Variants in ZCCHC14 observed in about 807,000 individuals in gnomAD.
The protein encoded by ZCCHC14 is zinc finger CCHC domain-containing protein 14.
Under a neutral mutation model 85.0 loss-of-function variants are expected in ZCCHC14, and 16 were observed. That is an observed-to-expected ratio of 0.19 (90% CI 0.13 to 0.29). ZCCHC14 has a LOEUF of 0.29. ZCCHC14 is among the 10% of genes least tolerant of loss of function. The probability of loss-of-function intolerance (pLI) is 1.00; values close to 1 mark genes in which losing one functional copy is unlikely to be tolerated. For synonymous variants in ZCCHC14, 775 were observed against 630.7 expected (o/e 1.23, Z -3.43); for missense variants, 1,303 against 1,443.5 (o/e 0.90, Z 1.58).
At chr16:87,458,716 T>G (rs191702360) in intron 2 of ZCCHC14, among the ~76,000 whole-genome samples, 2 of 152,060 alleles carry the variant, frequency 1.3e-5, no homozygotes, top group Middle Eastern at 3.4e-3. Context: ...TGCGGGGCGG[T>G]TGGGGGAGAG....
chr16:87,419,357 G>A (rs1597402993), intron 6 of ZCCHC14, among the ~76,000 whole-genome samples: 1 of 149,964 alleles, frequency 6.7e-6, no homozygotes, highest in Non-Finnish European at 1.5e-5. Context: ...CTGGAGTGCA[G>A]TGGTGCAATC....
rs554909259 is a variant in ZCCHC14 at position 87,410,437 on chromosome 16, G to A, written c.3206-102C>T. 3.7e-5 allele frequency: 21 copies of A among 573,832 alleles called. No individual in the cohort carries two copies. In the South Asian group the frequency reaches 4.7e-4, roughly 13 times the overall value. 35.5% of individuals were successfully genotyped at this position (573,832 alleles called of 1,614,324 possible). On this transcript the variant is annotated intron_variant, in intron 12 of 12. Transcript: ENST00000671377. ...TCCAGAGCCACTGGGCAAGATTCTG[G>A]TGCTGGAAATCTAGGCCACCCATCC...
Position 87,410,135 on chromosome 16 carries a change from G to C in ZCCHC14, c.*145C>G, listed in dbSNP as rs540253846. Reference sequence around the variant, plus strand: ...TAAATCGAGTTTGATGCACTTCTACGCTAGATTTTCTATCCAGTCTAGGAA... The same window carrying C: ...TAAATCGAGTTTGATGCACTTCTACCCTAGATTTTCTATCCAGTCTAGGAA... On this transcript the variant is annotated 3_prime_UTR_variant, in exon 13 of 13. Coordinates refer to ENST00000671377, the MANE Select transcript of ZCCHC14 (RefSeq NM_015144.3). The C allele has an allele frequency of 3.7e-6, 2 of 544,448 alleles. No individual in the cohort carries two copies. The highest frequency in any genetic ancestry group is 3.0e-5 in the East Asian group (1 of 32,844). 33.7% of individuals were successfully genotyped at this position (544,448 alleles called of 1,614,324 possible).
chr16:87,412,409 C>A lies in ZCCHC14; in HGVS notation c.2312G>T (p.Arg771Leu). 1.2e-6 allele frequency: 2 copies of A among 1,614,150 alleles called. No homozygotes were observed. The highest frequency in any genetic ancestry group is 1.7e-6 in the Non-Finnish European group (2 of 1,180,038). Residue 771 changes from arginine to leucine, a missense_variant, in exon 12 of 13, where the codon CGT becomes CTT. Coordinates refer to ENST00000671377, the MANE Select transcript of ZCCHC14 (RefSeq NM_015144.3). The part of the protein sequence containing the change: ...GTPSTVLHAA[R>L]PPIKLLLSSS... ...CGACAGCAGCAGTTTGATGGGCGGA[C>A]GGGCGGCGTGGAGGACTGTGCTGGG...
intron 1 of ZCCHC14, 50 bp from the exon 2 acceptor site, chr16:87,460,181 G>C: frequency 6.3e-7 from 1 of 1,589,124 alleles, no homozygotes; most frequent in Non-Finnish European, 8.6e-7. Flanking sequence ...GGAGTTAATA[G>C]GGGACAATTT....
intron 1 of ZCCHC14, among the ~76,000 whole-genome samples, chr16:87,463,095 A>T (rs1210953169): frequency 6.6e-6 from 1 of 150,798 alleles, no homozygotes; most frequent in Non-Finnish European, 1.5e-5. Context: ...AGAAAAAAGA[A>T]ACACAGCTAG....
At chr16:87,419,387 G>A (rs974867907) in intron 6 of ZCCHC14, among the ~76,000 whole-genome samples, 5 of 152,184 alleles carry the variant, frequency 3.3e-5, no homozygotes, top group African/African-American at 4.8e-5. Flanking sequence ...TGCAACCACC[G>A]CCTCCCGGGT....
chr16:87,446,403 G>C (rs545607740), intron 2 of ZCCHC14, among the ~76,000 whole-genome samples: 5 of 150,582 alleles, frequency 3.3e-5, no homozygotes. Flanking sequence ...AGAATCACTC[G>C]AACCTGGAAG....
chr16:87,440,070 C>T (rs1910111376), intron 2 of ZCCHC14, among the ~76,000 whole-genome samples: 1 of 152,210 alleles, frequency 6.6e-6, no homozygotes, highest in Non-Finnish European at 1.5e-5. Context: ...GCTTTCTACG[C>T]AGCCAAGACT....
Position 87,413,128 on chromosome 16 carries a change from G to A in ZCCHC14, c.1671C>T (p.Ser557=), listed in dbSNP as rs1443110548. Residue 557 remains serine, a synonymous_variant, in exon 11 of 13, where the codon TCC becomes TCT. Transcript: ENST00000671377. The part of the protein sequence containing the change: ...LPREGSSSEY[S]SSSSSPMGVQ... ...CCCCCATGGGGCTGGAGGAGGAGCT[G>A]GAGTACTCCGAGGAACTGCCTTCCC... 1.2e-6 allele frequency: 2 copies of A among 1,612,664 alleles called. No individual in the cohort carries two copies. The highest frequency in any genetic ancestry group is 2.2e-5 in the South Asian group (2 of 90,902).
intron 12 of ZCCHC14, among the ~76,000 whole-genome samples, 192 bp from the exon 13 acceptor site, chr16:87,410,527 T>C (rs1426664108): frequency 6.6e-6 from 1 of 152,368 alleles, no homozygotes; most frequent in Non-Finnish European, 1.5e-5. Flanking sequence ...TTATCAAATC[T>C]GACCGGGGTG....
chr16:87,447,998 T>TG (rs1910522578), intron 2 of ZCCHC14, among the ~76,000 whole-genome samples: 1 of 152,136 alleles, frequency 6.6e-6, no homozygotes, highest in Non-Finnish European at 1.5e-5. Context: ...CAGGTATGAG[T>TG]GCTCTGGAGT....
chr16:87,489,230 G>GA (rs1323110652), intron 1 of ZCCHC14, among the ~76,000 whole-genome samples: 16 of 152,162 alleles, frequency 1.1e-4, no homozygotes, highest in Admixed American at 7.2e-4. Flanking sequence ...GGGAAAACTA[G>GA]AAACCACGGT....
chr16:87,492,084 G>C lies in ZCCHC14; in HGVS notation c.155C>G (p.Ala52Gly). The stretch of plus-strand genomic sequence containing the variant: ...GCGCAGCGAGTGGTAGTCCTTGCGG[G>C]CCAGGTCCTCCAGGCACGAGCCGAG... Reference protein sequence around the residue: ...RFLGSCLEDLARKDYHSLRDS... With the variant: ...RFLGSCLEDLGRKDYHSLRDS... The change falls in exon 1 of 13, where the codon GCC becomes GGC. Residue 52 changes from alanine (A) to glycine (G), a missense_variant. Physicochemically the swap from Ala to Gly is moderately conservative, Grantham distance 60. Coordinates refer to ENST00000671377, the MANE Select transcript of ZCCHC14 (RefSeq NM_015144.3). The surrounding 1 kb of genome is among the most constrained non-coding windows in gnomAD (Gnocchi z 6.7). 1 of 1,396,102 alleles carries C rather than the reference G, an allele frequency of 7.2e-7. No individual in the cohort carries two copies. 86.5% of individuals were successfully genotyped at this position (1,396,102 alleles called of 1,614,324 possible).
chr16:87,491,578 TC>T lies in ZCCHC14; in HGVS notation c.570+90del. ...TCTCAGTGCAGGCTGGAGGCGTGGG[TC>T]GGGGGGTCGCGGTGCAGGCTGGAGG... is the stretch of plus-strand genomic sequence containing the variant. On this transcript the variant is annotated intron_variant, in intron 1 of 12. Coordinates refer to ENST00000671377, the MANE Select transcript of ZCCHC14 (RefSeq NM_015144.3). This position sits in a 1 kb window ranked among gnomAD's most constrained non-coding sequence, Gnocchi z 5.9. 1 of 1,205,850 alleles carries T rather than the reference TC, an allele frequency of 8.3e-7. No individual in the cohort carries two copies. The highest frequency in any genetic ancestry group is 1.1e-6 in the Non-Finnish European group (1 of 938,416). The allele number at this position is 1,205,850 out of a possible 1,614,324, so 74.7% of individuals were successfully genotyped here.
At chr16:87,424,058 T>C (rs1909242360) in intron 3 of ZCCHC14, among the ~76,000 whole-genome samples, 177 bp from the exon 4 acceptor site, 1 of 152,232 alleles carries the variant, frequency 6.6e-6, no homozygotes, top group South Asian at 2.1e-4. Context: ...AAGAGTCACA[T>C]AGCTCCAGGC....
intron 2 of ZCCHC14, among the ~76,000 whole-genome samples, chr16:87,456,511 C>G (rs1030567654): frequency 8.9e-6 from 1 of 111,758 alleles, no homozygotes; most frequent in African/African-American, 3.4e-5. Flanking sequence ...CCAGCCTGGG[C>G]GACAGAGCAA....
Position 87,420,560 on chromosome 16 carries a change from T to G in ZCCHC14, c.950+47A>C, listed in dbSNP as rs530301230. The G allele has an allele frequency of 2.3e-5, 35 of 1,497,108 alleles. No individual in the cohort carries two copies. The South Asian group carries it at 2.8e-4, about 12-fold the overall frequency. 92.7% of individuals were successfully genotyped at this position (1,497,108 alleles called of 1,614,324 possible). On this transcript the variant is annotated intron_variant, in intron 5 of 12. Coordinates refer to ENST00000671377, the MANE Select transcript of ZCCHC14 (RefSeq NM_015144.3). The surrounding 1 kb of genome is among the most constrained non-coding windows in gnomAD (Gnocchi z 5.0). ...CACAGCATTGACCACAGGACCAGCC[T>G]GTCCTTGCCAGCTGTGGACGCGCCG...
At position 87,416,486 on chromosome 16, in the gene ZCCHC14, G is replaced by A. The variant is rs538767670; in HGVS notation, c.1383+974C>T. The stretch of plus-strand genomic sequence containing the variant: ...GATTCACAAATCCTTGGCCAGGCGC[G>A]GTGGCTCATGCCTGTAATCCCAGCA... On this transcript the variant is annotated intron_variant, in intron 8 of 12. Coordinates refer to ENST00000671377, the MANE Select transcript of ZCCHC14 (RefSeq NM_015144.3). Among the ~76,000 whole-genome samples, 10 of 152,210 alleles carry A rather than the reference G, an allele frequency of 6.6e-5. No individual in the cohort carries two copies. The East Asian group carries it at 7.8e-4, about 12-fold the overall frequency.
Sources: gnomAD v4.1 joint callset for allele counts (sites outside exome capture counted in the v4.1 genomes callset) on GRCh38, gnomAD v4.1.1 for gene constraint, Gnocchi (gnomAD v3.1) non-coding constraint, MANE v1.5 for transcripts, NCBI Gene and HGNC (gene_info 2026-07-23, HGNC 2026-07-21) for gene names.